Variants in STAU2 observed in about 807,000 individuals in gnomAD.
STAU2 encodes the protein double-stranded RNA-binding protein Staufen homolog 2.
A neutral mutation model predicts 65.9 loss-of-function variants in STAU2; 20 were observed. The ratio of observed to expected loss-of-function variants is 0.30; its 90% CI spans 0.21 to 0.44. The LOEUF (loss-of-function observed/expected upper bound fraction) is 0.44, where lower values mean the gene tolerates loss of function less well. Ranked by LOEUF, STAU2 falls within the 20% of genes least tolerant of loss-of-function variation. The pLI, the probability that STAU2 is intolerant of heterozygous loss-of-function variation, is 1.00. For missense variants in STAU2, 558 were observed against 683.9 expected (o/e 0.82, Z 2.05); for synonymous variants, 232 against 233.9 (o/e 0.99, Z 0.07).
At chr8:73,543,124 T>C (rs1420938003) in intron 13 of STAU2, among the ~76,000 whole-genome samples, 1 of 152,188 alleles carries the variant, frequency 6.6e-6, no homozygotes, top group African/African-American at 2.4e-5. Flanking sequence ...ACATGGAACA[T>C]GCGTGAATTT....
intron 6 of STAU2, among the ~76,000 whole-genome samples, chr8:73,650,455 A>T (rs1815774944): frequency 6.6e-6 from 1 of 152,174 alleles, no homozygotes; most frequent in African/African-American, 2.4e-5. Flanking sequence ...ATGTATTTAT[A>T]TACTGGGTCA....
intron 6 of STAU2, among the ~76,000 whole-genome samples, chr8:73,663,686 CAACTTTGAGA>C (rs1282146223): frequency 1.3e-5 from 2 of 150,314 alleles, no homozygotes; most frequent in Non-Finnish European, 3.0e-5. Context: ...ATCTTCACAT[CAACTTTGAGA>C]GAACTGAAAT....
At chr8:73,743,108 T>G (rs1317085478) in intron 1 of STAU2, among the ~76,000 whole-genome samples, 1 of 152,172 alleles carries the variant, frequency 6.6e-6, no homozygotes, top group Non-Finnish European at 1.5e-5. Flanking sequence ...TTTAAAATGT[T>G]TTTCATTTTG....
At chr8:73,505,755 T>C (rs928816396) in intron 13 of STAU2, among the ~76,000 whole-genome samples, 2 of 152,072 alleles carry the variant, frequency 1.3e-5, no homozygotes, top group Non-Finnish European at 2.9e-5. Context: ...TGATACGGTG[T>C]GGATGTCTGT....
chr8:73,574,222 G>C (rs1809338339), intron 12 of STAU2, among the ~76,000 whole-genome samples: 1 of 152,204 alleles, frequency 6.6e-6, no homozygotes, highest in Non-Finnish European at 1.5e-5. Flanking sequence ...TCTCATACCA[G>C]TTAGAATGGC....
upstream of STAU2, chr8:73,747,273 G>T: frequency 7.8e-7 from 1 of 1,282,172 alleles, no homozygotes; most frequent in Non-Finnish European, 1.1e-6. Context: ...CGTCTGCCAA[G>T]GGTGGGCCTG....
At chr8:73,680,926 A>G (rs1818384371) in intron 5 of STAU2, among the ~76,000 whole-genome samples, 1 of 152,058 alleles carries the variant, frequency 6.6e-6, no homozygotes, top group Admixed American at 6.6e-5. Flanking sequence ...CAAAGGAAAA[A>G]GAATTTTAAA....
At chr8:73,501,184 TA>T (rs906960448) in intron 13 of STAU2, among the ~76,000 whole-genome samples, 2 of 150,450 alleles carry the variant, frequency 1.3e-5, no homozygotes, top group African/African-American at 2.4e-5. Context: ...CTTTCCTACT[TA>T]AAAAAAAACT....
Position 73,663,041 on chromosome 8 carries a change from G to A in STAU2, c.410+10066C>T, listed in dbSNP as rs181604523. Among the ~76,000 whole-genome samples the A allele has an allele frequency of 4.3e-3, 659 of 152,150 alleles. 1 individual carries two copies. The highest frequency in any genetic ancestry group is 7.8e-3 in the Non-Finnish European group (532 of 68,002). The stretch of plus-strand genomic sequence containing the variant: ...GAAAGAATTAAATTGTTCATATATG[G>A]ATTGATCTATTTCTTGCCTCCATAT... On this transcript the variant is annotated intron_variant, in intron 6 of 14. Coordinates refer to ENST00000524300, the MANE Select transcript of STAU2 (RefSeq NM_001164380.2).
At chr8:73,504,351 A>C (rs1288208897) in intron 13 of STAU2, among the ~76,000 whole-genome samples, 3 of 152,174 alleles carry the variant, frequency 2.0e-5, no homozygotes, top group Non-Finnish European at 4.4e-5. Context: ...ATCAATGACC[A>C]CAGTCATTTT....
At chr8:73,557,445 A>G (rs1807874205) in intron 12 of STAU2, among the ~76,000 whole-genome samples, 1 of 152,232 alleles carries the variant, frequency 6.6e-6, no homozygotes, top group Non-Finnish European at 1.5e-5. Flanking sequence ...TTTCAATAGT[A>G]TAAAGATCTA....
intron 10 of STAU2, among the ~76,000 whole-genome samples, chr8:73,598,226 C>CTTTTT (rs138249622): frequency 3.9e-5 from 5 of 129,336 alleles, no homozygotes; most frequent in Non-Finnish European, 8.2e-5. Context: ...AAGAAGAAAA[C>CTTTTT]TTTTTTTTTT....
chr8:73,605,882 C>CACACACAT (rs1563453187), intron 9 of STAU2, among the ~76,000 whole-genome samples: 2 of 22,648 alleles, frequency 8.8e-5, no homozygotes, highest in East Asian at 5.9e-4. Context: ...CACACATACA[C>CACACACAT]ACACACACAC....
intron 6 of STAU2, among the ~76,000 whole-genome samples, chr8:73,654,520 G>A (rs1377624968): frequency 6.6e-6 from 1 of 150,802 alleles, no homozygotes; most frequent in African/African-American, 2.4e-5. Flanking sequence ...ACATCATGGT[G>A]TCCCAACTAC....
intron 13 of STAU2, among the ~76,000 whole-genome samples, chr8:73,486,610 A>ATT (rs1272135223): frequency 6.0e-4 from 73 of 121,970 alleles, no homozygotes; most frequent in Non-Finnish European, 1.0e-3. Flanking sequence ...AAAAATATCC[A>ATT]TTATATATAT....
intron 13 of STAU2, among the ~76,000 whole-genome samples, chr8:73,546,123 C>CTTTTTTTTTTTTTTT (rs71561528): frequency 1.1e-5 from 1 of 93,290 alleles, no homozygotes; most frequent in Non-Finnish European, 1.9e-5. Context: ...GTTTGGTTTT[C>CTTTTTTTTTTTTTTT]TTTTTTTTTT....
intron 6 of STAU2, among the ~76,000 whole-genome samples, chr8:73,640,232 A>T (rs1435300223): frequency 3.3e-5 from 5 of 152,038 alleles, no homozygotes; most frequent in Admixed American, 1.3e-4. Flanking sequence ...ATAGGAAAAA[A>T]GAAAAAAATG....
At chr8:73,601,401 T>A (rs1811620066) in intron 10 of STAU2, among the ~76,000 whole-genome samples, 1 of 152,174 alleles carries the variant, frequency 6.6e-6, no homozygotes, top group Non-Finnish European at 1.5e-5. Flanking sequence ...TGCTCTGGAA[T>A]AAAATACCCA....
chr8:73,488,897 A>G (rs1397452149), intron 13 of STAU2, among the ~76,000 whole-genome samples: 2 of 151,994 alleles, frequency 1.3e-5, no homozygotes, highest in Non-Finnish European at 2.9e-5. Context: ...GCATTTTATA[A>G]AATACATTTA....
Sources: allele counts gnomAD v4.1 joint callset (sites outside exome capture counted in the v4.1 genomes callset), GRCh38; gene constraint gnomAD v4.1.1; transcripts MANE v1.5; gene names NCBI Gene and HGNC (gene_info 2026-07-23, HGNC 2026-07-21).